The following COL6A6 variants were observed in gnomAD, a reference collection of about 807,000 sequenced individuals.
COL6A6 encodes the protein collagen type VI alpha 6 chain.
COL6A6 carries 183 observed loss-of-function variants against 208.6 expected under a neutral mutation model. The ratio of observed to expected loss-of-function variants is 0.88; its 90% CI spans 0.78 to 0.99. COL6A6 has a LOEUF of 0.99. Among genes scored for constraint, COL6A6 ranks in the 50% least tolerant of loss-of-function variants. The pLI is 0.00. For synonymous variants in COL6A6, 973 were observed against 1,011.8 expected, an observed-to-expected ratio of 0.96 and a Z score of 0.73; for missense variants, 2,816 against 2,815.2, an observed-to-expected ratio of 1.00 and a Z score of -0.01.
intron 18 of COL6A6, among the ~76,000 whole-genome samples, chr3:130,597,100 C>T (rs1392054985): frequency 6.6e-6 from 1 of 152,158 alleles, no homozygotes; most frequent in African/African-American, 2.4e-5. Flanking sequence ...TAGAATTGAA[C>T]TACAATAAGG....
At chr3:130,641,307 C>G (rs1376744881) in intron 28 of COL6A6, among the ~76,000 whole-genome samples, 3 of 151,016 alleles carry the variant, frequency 2.0e-5, no homozygotes, top group Non-Finnish European at 4.5e-5. Context: ...AATGATTTTG[C>G]CAAATAATGT....
At chr3:130,591,851 C>T (rs1350456924) in intron 13 of COL6A6, among the ~76,000 whole-genome samples, 2 of 152,038 alleles carry the variant, frequency 1.3e-5, no homozygotes, top group East Asian at 3.9e-4. Context: ...GGGAACGCTG[C>T]GAACAAGGAG....
intron 33 of COL6A6, among the ~76,000 whole-genome samples, chr3:130,653,794 A>G (rs1405469278): frequency 1.3e-5 from 2 of 152,112 alleles, no homozygotes; most frequent in Non-Finnish European, 1.5e-5. Context: ...TATTGACTGA[A>G]AGATTACTTG....
intron 36 of COL6A6, among the ~76,000 whole-genome samples, 170 bp downstream of exon 36, chr3:130,665,266 A>C (rs1487462674): frequency 6.6e-6 from 1 of 152,170 alleles, no homozygotes; most frequent in East Asian, 1.9e-4. Context: ...ACTTTTTAAA[A>C]TGACCATGCT....
intron 11 of COL6A6, among the ~76,000 whole-genome samples, 168 bp from the exon 12 acceptor site, chr3:130,588,917 CAAAAA>C (rs58377635): frequency 1.5e-5 from 1 of 68,276 alleles, no homozygotes. Flanking sequence ...AAGATGGAAG[CAAAAA>C]AAAAAAAAAA....
intron 1 of COL6A6, among the ~76,000 whole-genome samples, chr3:130,538,451 A>G (rs1326350430): frequency 3.3e-5 from 5 of 152,210 alleles, no homozygotes; most frequent in Non-Finnish European, 1.5e-5. Flanking sequence ...GGCAACAAAA[A>G]TAAAAATAAT....
intron 29 of COL6A6, among the ~76,000 whole-genome samples, chr3:130,642,224 C>T (rs142041741): frequency 4.1e-5 from 6 of 146,660 alleles, no homozygotes; most frequent in African/African-American, 1.3e-4. Flanking sequence ...TTCTTCTATC[C>T]CAAACTCTGA....
rs1312576281 is a variant in COL6A6 at position 130,610,657 on chromosome 3, A to G, written c.4761A>G (p.Arg1587=). 1 of 1,589,946 alleles carries G rather than the reference A, an allele frequency of 6.3e-7. No individual in the cohort carries two copies. Among genetic ancestry groups the G allele is most frequent in the African/African-American group, 1.3e-5 (1 of 74,626 alleles). The change falls in exon 23 of 37, where the codon AGA becomes AGG. Residue 1587 remains arginine (R), a synonymous_variant. Transcript: ENST00000358511. ...TAATTCTATGTACTTAGGGCCCAAG[A>G]GGAGAGGCTGGTGTGAAAGGAGAAA... is the stretch of plus-strand genomic sequence containing the variant. ...SLGLKGPQGP[R]GEAGVKGEKG...
chr3:130,635,467 C>T (rs1038584102), intron 27 of COL6A6, among the ~76,000 whole-genome samples: 5 of 152,110 alleles, frequency 3.3e-5, no homozygotes, highest in African/African-American at 1.2e-4. Flanking sequence ...GTTCATTTCT[C>T]CAAAGAGCCA....
chr3:130,547,597 C>A (rs2062545045), intron 1 of COL6A6, among the ~76,000 whole-genome samples: 1 of 152,244 alleles, frequency 6.6e-6, no homozygotes, highest in South Asian at 2.1e-4. Flanking sequence ...GTGAGGGCCG[C>A]CAGCATGTTG....
intron 23 of COL6A6, among the ~76,000 whole-genome samples, chr3:130,611,056 A>G (rs1016532700): frequency 2.0e-5 from 3 of 152,152 alleles, no homozygotes; most frequent in African/African-American, 7.2e-5. Flanking sequence ...CTGGCTAAAT[A>G]TGATAATCTC....
chr3:130,599,965 G>A (rs1232133872), intron 20 of COL6A6, among the ~76,000 whole-genome samples, 155 bp downstream of exon 20: 1 of 152,136 alleles, frequency 6.6e-6, no homozygotes, highest in Non-Finnish European at 1.5e-5. Flanking sequence ...GGCTGGCAAA[G>A]GACTTGGGAA....
intron 1 of COL6A6, among the ~76,000 whole-genome samples, chr3:130,547,159 C>T (rs114002098): frequency 0.017 from 2,564 of 152,356 alleles, 79 homozygotes; most frequent in African/African-American, 0.059. Context: ...CAGCCGACTG[C>T]GGAGGGGCTC....
At chr3:130,651,846 G>A (rs2065653897) in intron 33 of COL6A6, among the ~76,000 whole-genome samples, 1 of 152,202 alleles carries the variant, frequency 6.6e-6, no homozygotes, top group African/African-American at 2.4e-5. Context: ...ACTCAAAGGT[G>A]TGTGTACAAC....
Position 130,626,489 on chromosome 3 carries a change from A to T in COL6A6, c.4883A>T (p.Glu1628Val). ...GRLGSQGNKG[E>V]PGDLGEKGAV... ...AACAATCTTTCTGTTTAACAGGGAG[A>T]ACCTGGAGATCTGGGAGAAAAAGGA... The change falls in exon 25 of 37, where the codon GAA becomes GTA. Residue 1628 changes from glutamate (E) to valine (V), a missense_variant. Physicochemically the swap from Glu to Val is moderately radical, Grantham distance 121. Coordinates refer to ENST00000358511, the MANE Select transcript of COL6A6 (RefSeq NM_001102608.3). The T allele has an allele frequency of 6.2e-7, 1 of 1,612,242 alleles. No individual in the cohort carries two copies. The highest frequency in any genetic ancestry group is 1.7e-4 in the Middle Eastern group (1 of 6,060).
intron 26 of COL6A6, among the ~76,000 whole-genome samples, chr3:130,634,242 T>TAAAAAAAAA (rs202193097): frequency 8.4e-5 from 2 of 23,808 alleles, no homozygotes; most frequent in African/African-American, 5.8e-4. Context: ...AATAAATAAA[T>TAAAAAAAAA]AAAAAAAAAA....
At chr3:130,666,686 G>A (rs888577950) in intron 36 of COL6A6, among the ~76,000 whole-genome samples, 4 of 152,172 alleles carry the variant, frequency 2.6e-5, no homozygotes, top group South Asian at 2.1e-4. Context: ...AGAATGCAGA[G>A]ATGATCAAGA....
intron 33 of COL6A6, among the ~76,000 whole-genome samples, chr3:130,655,947 G>A (rs1437865228): frequency 6.6e-6 from 1 of 152,222 alleles, no homozygotes; most frequent in Non-Finnish European, 1.5e-5. Flanking sequence ...TGATTGTGGG[G>A]TGGCAGGGTG....
At chr3:130,670,055 C>G (rs1026215916) in intron 36 of COL6A6, among the ~76,000 whole-genome samples, 6 of 152,230 alleles carry the variant, frequency 3.9e-5, no homozygotes, top group African/African-American at 1.4e-4. Context: ...AGCTCTGTCA[C>G]CTCTGAGAAG....
Sources: allele counts gnomAD v4.1 joint callset (sites outside exome capture counted in the v4.1 genomes callset), GRCh38; gene constraint gnomAD v4.1.1; transcripts MANE v1.5; gene names NCBI Gene and HGNC (gene_info 2026-07-23, HGNC 2026-07-21).